ITGA4: variants seen among roughly 807,000 people sequenced by gnomAD.
ITGA4 encodes integrin alpha-4.
Under a neutral mutation model 133.6 loss-of-function variants are expected in ITGA4, and 63 were observed. That is an observed-to-expected ratio of 0.47 (90% confidence interval 0.38 to 0.58). The LOEUF (loss-of-function observed/expected upper bound fraction) is 0.58. ITGA4 is among the 20% of genes least tolerant of loss of function. The pLI is 0.00. For synonymous variants in ITGA4, 483 were observed against 438.0 expected (o/e 1.10, Z -1.28); for missense variants, 1,076 against 1,252.7 (o/e 0.86, Z 2.13).
intron 15 of ITGA4, among the ~76,000 whole-genome samples, chr2:181,508,123 AG>A (rs1237457043): frequency 6.6e-6 from 1 of 152,132 alleles, no homozygotes; most frequent in Non-Finnish European, 1.5e-5. Flanking sequence ...ATAGAAATAA[AG>A]GTTAAAATGT....
At chr2:181,494,277 T>G (rs1224231516) in intron 11 of ITGA4, among the ~76,000 whole-genome samples, 2 of 152,144 alleles carry the variant, frequency 1.3e-5, no homozygotes, top group African/African-American at 4.8e-5. Flanking sequence ...TATTTAGTTA[T>G]TCATGTTGGG....
chr2:181,457,654 C>T lies in ITGA4; in HGVS notation c.-1C>T, dbSNP rs1685157291. 2 of 1,609,554 alleles carry T rather than the reference C, an allele frequency of 1.2e-6. No homozygotes were observed. The highest frequency in any genetic ancestry group is 1.7e-6 in the Non-Finnish European group (2 of 1,179,046). ...TGTTGAATGTTCCCCACCGAGAGCG[C>T]ATGGCTTGGGAAGCGAGGCGCGAAC... On this transcript the variant is annotated 5_prime_UTR_variant, in exon 1 of 28. Coordinates refer to ENST00000397033, the MANE Select transcript of ITGA4 (RefSeq NM_000885.6).
intron 2 of ITGA4, among the ~76,000 whole-genome samples, chr2:181,465,666 G>A (rs1222388261): frequency 6.6e-6 from 1 of 152,100 alleles, no homozygotes; most frequent in Non-Finnish European, 1.5e-5. Flanking sequence ...AATGTTAGAG[G>A]TTTAAATATG....
chr2:181,537,015 A>T lies in ITGA4; in HGVS notation c.*1488A>T, dbSNP rs1252341532. On this transcript the variant is annotated 3_prime_UTR_variant, in exon 28 of 28. Transcript: ENST00000397033. ...TCACAGGCCTGCAGTGATGGTGAGG[A>T]ATGTTCTGAGATTTGCGAAGGCATT... The T allele has an allele frequency of 2.2e-6, 1 of 447,068 alleles. No homozygotes were observed. Among genetic ancestry groups the T allele is most frequent in the South Asian group, 1.6e-5 (1 of 63,054 alleles). The allele number at this position is 447,068 out of a possible 1,614,324, so 27.7% of individuals were successfully genotyped here.
At chr2:181,496,151 G>A (rs976900043) in intron 14 of ITGA4, among the ~76,000 whole-genome samples, 8 of 152,180 alleles carry the variant, frequency 5.3e-5, no homozygotes, top group African/African-American at 1.7e-4. Context: ...TAGTTGTTTA[G>A]AGATTATGAG....
chr2:181,525,884 A>G (rs1414021550), intron 21 of ITGA4, among the ~76,000 whole-genome samples: 1 of 152,210 alleles, frequency 6.6e-6, no homozygotes, highest in Admixed American at 6.5e-5. Flanking sequence ...GTGGAGAAAG[A>G]ATAAAAGGGG....
At chr2:181,514,425 C>A (rs1261888399) in intron 17 of ITGA4, among the ~76,000 whole-genome samples, 1 of 151,988 alleles carries the variant, frequency 6.6e-6, no homozygotes, top group East Asian at 1.9e-4. Context: ...GGCCAAAAAG[C>A]CTTGACCTAT....
chr2:181,496,797 C>T (rs1252411810), intron 14 of ITGA4, among the ~76,000 whole-genome samples: 3 of 152,160 alleles, frequency 2.0e-5, no homozygotes, highest in Admixed American at 1.3e-4. Context: ...TAATAATTCA[C>T]AACGTTTATG....
chr2:181,464,167 G>A (rs1351278815), intron 2 of ITGA4, among the ~76,000 whole-genome samples: 3 of 152,068 alleles, frequency 2.0e-5, no homozygotes, highest in Non-Finnish European at 4.4e-5. Context: ...CTGATTAAAG[G>A]AAGAGAGTGT....
Position 181,525,244 on chromosome 2 carries a change from G to T in ITGA4, c.2292G>T (p.Val764=). The T allele has an allele frequency of 3.7e-6, 6 of 1,608,854 alleles. No homozygotes were observed. Among genetic ancestry groups the T allele is most frequent in the Non-Finnish European group, 5.1e-6 (6 of 1,175,668 alleles). The change falls in exon 21 of 28, where the codon GTG becomes GTT. Residue 764 remains valine, a synonymous_variant. Transcript: ENST00000397033. The stretch of plus-strand genomic sequence containing the variant: ...TGGACAATCTAAAGCACAGCAGAGT[G>T]ACTGTAGCAATACCTTTAAAATATG... ...EEMDNLKHSR[V]TVAIPLKYEV...
At chr2:181,488,645 G>A (rs1685974001) in intron 10 of ITGA4, among the ~76,000 whole-genome samples, 2 of 151,694 alleles carry the variant, frequency 1.3e-5, no homozygotes, top group South Asian at 4.2e-4. Flanking sequence ...TGCAAGCTCT[G>A]ACTCCCGGGT....
intron 27 of ITGA4, among the ~76,000 whole-genome samples, 195 bp downstream of exon 27, chr2:181,535,130 AAGAC>A (rs142837045): frequency 0.016 from 2,360 of 152,240 alleles, 68 homozygotes; most frequent in African/African-American, 0.055. Context: ...TTTGTTTTGA[AAGAC>A]AGACGTTCCT....
chr2:181,483,440 A>G (rs59310379), intron 9 of ITGA4, among the ~76,000 whole-genome samples: 1 of 152,316 alleles, frequency 6.6e-6, no homozygotes, highest in African/African-American at 2.4e-5. Flanking sequence ...ATAATGGCAT[A>G]GCATTTTTCA....
At chr2:181,486,139 T>A in intron 10 of ITGA4, 147 bp downstream of exon 10, 1 of 971,914 alleles carries the variant, frequency 1.0e-6, no homozygotes, top group Non-Finnish European at 1.4e-6. Context: ...TTTAGTGTTA[T>A]ATATGACTTC....
Position 181,457,744 on chromosome 2 carries a change from C to T in ITGA4, c.90C>T (p.Thr30=). The T allele has an allele frequency of 1.2e-6, 2 of 1,613,188 alleles. No homozygotes were observed. The highest frequency in any genetic ancestry group is 1.1e-5 in the South Asian group (1 of 90,980). The change falls in exon 1 of 28, where the codon ACC becomes ACT. Residue 30 remains threonine (T), a synonymous_variant. Transcript: ENST00000397033. ...TGTTGCTGTGCCTGGGGGTCCCGACCGGCCGCCCCTACAACGTGGACACTG... is the reference window on the plus strand; with the variant it reads ...TGTTGCTGTGCCTGGGGGTCCCGACTGGCCGCCCCTACAACGTGGACACTG... The part of the protein sequence containing the change: ...VMLLLCLGVP[T]GRPYNVDTES...
At chr2:181,503,600 T>G (rs6707088) in intron 15 of ITGA4, among the ~76,000 whole-genome samples, 2 of 138,680 alleles carry the variant, frequency 1.4e-5, no homozygotes, top group African/African-American at 5.4e-5. Context: ...CTTTAAAAAA[T>G]CCTTTGTATT....
Position 181,457,586 on chromosome 2 carries a change from C to T in ITGA4, c.-69C>T, listed in dbSNP as rs200207465. Reference sequence around the variant, plus strand: ...TCTTGGGGCGTTCTTCCCCGTTGGCCAACCGTCGCATCCCGTGCAACTTTG... The same window carrying T: ...TCTTGGGGCGTTCTTCCCCGTTGGCTAACCGTCGCATCCCGTGCAACTTTG... On this transcript the variant is annotated 5_prime_UTR_variant, in exon 1 of 28. Coordinates refer to ENST00000397033, the MANE Select transcript of ITGA4 (RefSeq NM_000885.6). 183 of 1,443,414 alleles carry T rather than the reference C, an allele frequency of 1.3e-4. No homozygotes were observed. In the African/African-American group the frequency reaches 2.2e-3, roughly 17 times the overall value. The allele number at this position is 1,443,414 out of a possible 1,614,324, so 89.4% of individuals were successfully genotyped here. A position where few individuals can be genotyped will look rare whatever the true frequency, so the allele number is the denominator to read the frequency against.
intron 15 of ITGA4, among the ~76,000 whole-genome samples, chr2:181,507,174 A>G (rs1686410664): frequency 1.3e-5 from 2 of 152,132 alleles, no homozygotes; most frequent in South Asian, 4.1e-4. Context: ...AACAATTCTA[A>G]TACCAAGAAA....
At chr2:181,514,287 A>G (rs77934218) in intron 17 of ITGA4, among the ~76,000 whole-genome samples, 239 of 152,198 alleles carry the variant, frequency 1.6e-3, no homozygotes, top group Non-Finnish European at 2.7e-3. Context: ...ACAGGGAGTC[A>G]ACTAGGAATA....
Sources: allele counts gnomAD v4.1 joint callset (sites outside exome capture counted in the v4.1 genomes callset), GRCh38; gene constraint gnomAD v4.1.1; transcripts MANE v1.5; gene names NCBI Gene and HGNC (gene_info 2026-07-23, HGNC 2026-07-21).